PLA2G2F: variants seen among roughly 807,000 people sequenced by gnomAD.
PLA2G2F encodes the protein group IIF secretory phospholipase A2.
A neutral mutation model predicts 15.9 loss-of-function variants in PLA2G2F; 17 were observed. The observed-to-expected ratio is 1.07, with a 90% CI of 0.73 to 1.60. The LOEUF is 1.60. PLA2G2F is among the 40% of genes most tolerant of loss of function. PLA2G2F has a pLI of 0.00. For synonymous variants in PLA2G2F, 119 were observed against 106.5 expected, an observed-to-expected ratio of 1.12 and a Z score of -0.72; for missense variants, 299 against 278.2, an observed-to-expected ratio of 1.07 and a Z score of -0.53.
chr1:20,140,389 C>T, intron 2 of PLA2G2F, 171 bp downstream of exon 2: 2 of 646,514 alleles, frequency 3.1e-6, no homozygotes, highest in East Asian at 5.7e-5. Flanking sequence ...GGGCTGTTTA[C>T]CCCTCCAGCC....
chr1:20,140,286 G>A (rs536874987), intron 2 of PLA2G2F, 68 bp downstream of exon 2: 56 of 1,557,322 alleles, frequency 3.6e-5, no homozygotes, highest in South Asian at 1.4e-4. Context: ...GACCTTGGGC[G>A]CCTGAGTTAT....
chr1:20,140,651 G>A (rs2017438952), intron 2 of PLA2G2F: 1 of 173,024 alleles, frequency 5.8e-6, no homozygotes, highest in South Asian at 1.4e-4. Flanking sequence ...GCACCTGAGT[G>A]CGAGCCCATT....
Position 20,140,196 on chromosome 1 carries a change from C to A in PLA2G2F, c.147C>A (p.Thr49=), listed in dbSNP as rs373042211. 5 of 1,613,888 alleles carry A rather than the reference C, an allele frequency of 3.1e-6. No homozygotes were observed. The Middle Eastern group carries it at 6.6e-4, about 213-fold the overall frequency. Residue 49 remains threonine, a synonymous_variant, in exon 2 of 5, where the codon ACC becomes ACA. Coordinates refer to ENST00000375102, the MANE Select transcript of PLA2G2F (RefSeq NM_022819.4). ...RSSLGMKKFF[T]VAILAGSVLS... ...GCCTGGGTATGAAGAAGTTCTTCAC[C>A]GTGGCCATCCTTGCTGGCAGCGGTG...
In PLA2G2F at chr1:20,143,545, A is replaced by T. The variant is rs960979534; in HGVS notation, c.269A>T (p.Tyr90Phe). Residue 90 changes from tyrosine (Y) to phenylalanine (F), a missense_variant, in exon 3 of 5, where the codon TAC (tyrosine) becomes TTC (phenylalanine). Physicochemically the swap from Tyr to Phe is conservative, Grantham distance 22 (BLOSUM62 3). Transcript: ENST00000375102. ...CTGTCCTTCGTGGGCTACGGTTGCTACTGTGGGCTGGGGGGCCGTGGCCAG... is the reference window on the plus strand; with the variant it reads ...CTGTCCTTCGTGGGCTACGGTTGCTTCTGTGGGCTGGGGGGCCGTGGCCAG... ...AILSFVGYGC[Y>F]CGLGGRGQPK... The T allele has an allele frequency of 9.9e-6, 16 of 1,613,926 alleles. No homozygotes were observed. The highest frequency in any genetic ancestry group is 8.3e-5 in the Admixed American group (5 of 59,994).
At position 20,144,570 on chromosome 1, in the gene PLA2G2F, C is replaced by A; in HGVS notation, c.315-10C>A. 8 of 1,600,866 alleles carry A rather than the reference C, an allele frequency of 5.0e-6. No homozygotes were observed. The highest frequency in any genetic ancestry group is 6.8e-6 in the Non-Finnish European group (8 of 1,172,342). The stretch of plus-strand genomic sequence containing the variant: ...GCCATGCCTGTCCACTCACCTCTGC[C>A]GCTCCCTAGGTGCTGCCACGCCCAC... On this transcript the variant is annotated splice_polypyrimidine_tract_variant and intron_variant, in intron 3 of 4. Transcript: ENST00000375102.
At chr1:20,140,357 C>T (rs2017434097) in intron 2 of PLA2G2F, 139 bp downstream of exon 2, 2 of 881,788 alleles carry the variant, frequency 2.3e-6, no homozygotes, top group South Asian at 3.5e-5. Context: ...TGTCTCAGCC[C>T]AGCAGGCTGC....
Position 20,148,583 on chromosome 1 carries a change from C to T in PLA2G2F, c.*182C>T. The T allele has an allele frequency of 1.7e-6, 1 of 605,272 alleles. No homozygotes were observed. Among genetic ancestry groups the T allele is most frequent in the Non-Finnish European group, 2.9e-6 (1 of 342,004 alleles). The allele number at this position is 605,272 out of a possible 1,614,324, so 37.5% of individuals were successfully genotyped here. On this transcript the variant is annotated 3_prime_UTR_variant, in exon 5 of 5. Coordinates refer to ENST00000375102, the MANE Select transcript of PLA2G2F (RefSeq NM_022819.4). ...AAGGCCTGGGTCCTGACTCCCCCAG[C>T]CCAGCCCCAGGCATGGGTGCCTCCT...
At position 20,143,460 on chromosome 1, in the gene PLA2G2F, C is replaced by T; in HGVS notation, c.184C>T (p.His62Tyr). 6.2e-7 allele frequency: 1 copy of T among 1,613,982 alleles called. No homozygotes were observed. Among genetic ancestry groups the T allele is most frequent in the Non-Finnish European group, 8.5e-7 (1 of 1,179,934 alleles). ...ILAGSVLSTAHGSLLNLKAMV... is the reference protein window; with the variant it reads ...ILAGSVLSTAYGSLLNLKAMV... The stretch of plus-strand genomic sequence containing the variant: ...TTCTCTTGCAGTTCTGTCCACAGCT[C>T]ACGGCAGCCTGCTCAACCTGAAGGC... Residue 62 changes from histidine to tyrosine, a missense_variant, in exon 3 of 5, where the codon CAC becomes TAC. By Grantham distance (83) the His-to-Tyr change is moderately conservative. Coordinates refer to ENST00000375102, the MANE Select transcript of PLA2G2F (RefSeq NM_022819.4).
intron 4 of PLA2G2F, among the ~76,000 whole-genome samples, chr1:20,145,473 G>A (rs1344934290): frequency 1.3e-5 from 2 of 151,786 alleles, no homozygotes; most frequent in South Asian, 2.1e-4. Flanking sequence ...GGAGATACAG[G>A]GTTTCACCAT....
At chr1:20,148,146 C>A in intron 4 of PLA2G2F, 44 bp from the exon 5 acceptor site, 1 of 1,501,324 alleles carries the variant, frequency 6.7e-7, no homozygotes, top group Non-Finnish European at 9.3e-7. Context: ...GGGGGAGCTG[C>A]TGCCCCTTTC....
chr1:20,139,541 C>T lies in PLA2G2F; in HGVS notation c.114C>T (p.Ser38=). The T allele has an allele frequency of 2.0e-6, 3 of 1,521,512 alleles. No homozygotes were observed. Among genetic ancestry groups the T allele is most frequent in the Non-Finnish European group, 2.7e-6 (3 of 1,131,588 alleles). The allele number at this position is 1,521,512 out of a possible 1,614,324, so 94.3% of individuals were successfully genotyped here. The change falls in exon 1 of 5, where the codon TCC becomes TCT. Residue 38 remains serine (S), a splice_region_variant and synonymous_variant. Transcript: ENST00000375102. ...GGGCCTCCTGTCCTTCAAGAACCTC[C>T]AGGTAGGTGCCTGTTGCCCTGAGAT... ...RFGASCPSRT[S]RSSLGMKKFF...
chr1:20,145,586 G>A (rs1196574641), intron 4 of PLA2G2F, among the ~76,000 whole-genome samples: 1 of 151,762 alleles, frequency 6.6e-6, no homozygotes, highest in African/African-American at 2.4e-5. Context: ...AGCCAAACAT[G>A]TACTGTTTAC....
At chr1:20,142,033 A>G (rs2017484537) in intron 2 of PLA2G2F, 1 of 152,256 alleles carries the variant, frequency 6.6e-6, no homozygotes, top group Admixed American at 6.5e-5. Context: ...GAGATGTCGG[A>G]CACCATGTCT....
chr1:20,140,081 C>T, intron 1 of PLA2G2F, 85 bp from the exon 2 acceptor site: 1 of 1,436,056 alleles, frequency 7.0e-7, no homozygotes, highest in Non-Finnish European at 9.7e-7. Context: ...GACACCTGTC[C>T]TGAGGCTCAG....
chr1:20,144,496 C>A, intron 3 of PLA2G2F, 84 bp from the exon 4 acceptor site: 1 of 972,028 alleles, frequency 1.0e-6, no homozygotes, highest in Non-Finnish European at 1.6e-6. Flanking sequence ...CTGCGAGAGA[C>A]TGGAAGAGAT....
intron 4 of PLA2G2F, 28 bp downstream of exon 4, chr1:20,144,717 C>A: frequency 6.5e-7 from 1 of 1,541,978 alleles, no homozygotes; most frequent in Non-Finnish European, 8.9e-7. Flanking sequence ...CACCTGGGCC[C>A]CCAGAGAAGG....
chr1:20,145,789 TTG>T, intron 4 of PLA2G2F, among the ~76,000 whole-genome samples: 1 of 152,162 alleles, frequency 6.6e-6, no homozygotes, highest in African/African-American at 2.4e-5. Flanking sequence ...CTTGTATTTT[TTG>T]TGGAGATGGG....
At chr1:20,144,454 T>C in intron 3 of PLA2G2F, 126 bp from the exon 4 acceptor site, 1 of 700,366 alleles carries the variant, frequency 1.4e-6, no homozygotes, top group Non-Finnish European at 2.5e-6. Flanking sequence ...CAAGTAACTG[T>C]CCCTCTCTGG....
Position 20,148,858 on chromosome 1 carries a change from T to G in PLA2G2F, c.*457T>G, listed in dbSNP as rs2017671485. ...CAGATTGCTGGTCACAAAGCATGGG[T>G]TCCGGGAGCCCCTCAGCTGATCCCA... On this transcript the variant is annotated 3_prime_UTR_variant, in exon 5 of 5. Coordinates refer to ENST00000375102, the MANE Select transcript of PLA2G2F (RefSeq NM_022819.4). The G allele has an allele frequency of 1.2e-5, 2 of 172,112 alleles. No individual in the cohort carries two copies. The highest frequency in any genetic ancestry group is 2.4e-5 in the African/African-American group (1 of 41,744). 10.7% of individuals were successfully genotyped at this position (172,112 alleles called of 1,614,324 possible). A position where few individuals can be genotyped will look rare whatever the true frequency, so the allele number is the denominator to read the frequency against.
Sources: allele counts gnomAD v4.1 joint callset (sites outside exome capture counted in the v4.1 genomes callset), GRCh38; gene constraint gnomAD v4.1.1; transcripts MANE v1.5; gene names NCBI Gene and HGNC (gene_info 2026-07-23, HGNC 2026-07-21).